RNF111: variants seen among roughly 807,000 people sequenced by gnomAD.
The protein encoded by RNF111 is E3 ubiquitin-protein ligase Arkadia.
RNF111 carries 17 observed loss-of-function variants against 95.1 expected under a neutral mutation model. The ratio of observed to expected loss-of-function variants is 0.18; its 90% CI spans 0.12 to 0.27. The LOEUF (loss-of-function observed/expected upper bound fraction) is 0.27. Ranked by LOEUF, RNF111 falls within the 10% of genes least tolerant of loss-of-function variation. RNF111 has a pLI of 1.00. For synonymous variants in RNF111, 440 were observed against 414.8 expected (o/e 1.06, Z -0.74); for missense variants, 1,189 against 1,210.4 (o/e 0.98, Z 0.26).
intron 1 of RNF111, among the ~76,000 whole-genome samples, chr15:59,017,292 C>T (rs1179275795): frequency 6.6e-6 from 1 of 152,074 alleles, no homozygotes; most frequent in Non-Finnish European, 1.5e-5. Context: ...GTAAATGCGT[C>T]ATTCAGCATA....
In RNF111 at chr15:59,030,845, A is replaced by T. The variant is rs777277081; in HGVS notation, c.23A>T (p.Tyr8Phe). Residue 8 changes from tyrosine to phenylalanine, a missense_variant, in exon 2 of 14, where the codon TAT becomes TTT. Coordinates refer to ENST00000348370, the MANE Select transcript of RNF111 (RefSeq NM_017610.8). ...CCCATGTCTCAATGGACTCCTGAAT[A>T]TAACGAGCTCTACACCTTAAAAGTG... MSQWTPE[Y>F]NELYTLKVDM... 1 of 1,580,382 alleles carries T rather than the reference A, an allele frequency of 6.3e-7. No individual in the cohort carries two copies. Among genetic ancestry groups the T allele is most frequent in the African/African-American group, 1.5e-5 (1 of 65,828 alleles).
At chr15:59,063,092 C>CTTCCTTA (rs1194534371) in intron 5 of RNF111, among the ~76,000 whole-genome samples, 1 of 152,168 alleles carries the variant, frequency 6.6e-6, no homozygotes, top group Non-Finnish European at 1.5e-5. Flanking sequence ...TGATGATGAG[C>CTTCCTTA]TTCCTTAAGG....
At chr15:59,004,137 TC>T in intron 1 of RNF111, 1 of 1,214,502 alleles carries the variant, frequency 8.2e-7, no homozygotes, top group Non-Finnish European at 1.1e-6. Context: ...GCATGTTTTT[TC>T]CCTCATAGAT....
intron 1 of RNF111, among the ~76,000 whole-genome samples, chr15:59,000,210 C>CTAGA (rs2039264414): frequency 1.4e-5 from 2 of 143,298 alleles, no homozygotes; most frequent in Non-Finnish European, 3.0e-5. Flanking sequence ...GTTACCCAGG[C>CTAGA]TAGAGTGCAG....
rs1179084824 is a variant in RNF111 at position 59,065,692 on chromosome 15, C to CTATA, written c.1367-1071_1367-1070insATAT. 3.3e-5 allele frequency among the ~76,000 whole-genome samples: 5 copies of CTATA among 152,206 alleles called. No homozygotes were observed. In the East Asian group the frequency reaches 9.6e-4, roughly 29 times the overall value. On this transcript the variant is annotated intron_variant, in intron 5 of 13. Transcript: ENST00000348370. The stretch of plus-strand genomic sequence containing the variant: ...ATTTCTTACATTCTATTGGTTCTGA[C>CTATA]TGTAGAGTCCAAAGGAAGGAAAAAA...
At chr15:59,016,025 A>G (rs2040049088) in intron 1 of RNF111, among the ~76,000 whole-genome samples, 2 of 151,600 alleles carry the variant, frequency 1.3e-5, no homozygotes, top group South Asian at 4.2e-4. Context: ...TAACTTTTGT[A>G]TTTTTAGTAG....
At chr15:59,064,707 A>C (rs560875640) in intron 5 of RNF111, among the ~76,000 whole-genome samples, 2 of 152,146 alleles carry the variant, frequency 1.3e-5, no homozygotes, top group African/African-American at 4.8e-5. Context: ...CCTTTACAAA[A>C]GGGTTTGGGA....
intron 3 of RNF111, 37 bp from the exon 4 acceptor site, chr15:59,055,641 CTTTA>C: frequency 1.4e-6 from 2 of 1,407,828 alleles, no homozygotes; most frequent in South Asian, 3.2e-5. Flanking sequence ...ACTAAAAATT[CTTTA>C]TTTATATTTA....
At chr15:59,015,186 TAA>T (rs1159357648) in intron 1 of RNF111, among the ~76,000 whole-genome samples, 1 of 152,142 alleles carries the variant, frequency 6.6e-6, no homozygotes, top group Non-Finnish European at 1.5e-5. Flanking sequence ...TTTCTCAAAA[TAA>T]AAGGGAAATA....
At chr15:59,073,552 G>A (rs1429187127) in intron 6 of RNF111, among the ~76,000 whole-genome samples, 1 of 151,690 alleles carries the variant, frequency 6.6e-6, no homozygotes, top group African/African-American at 2.4e-5. Context: ...GCTTTTATCA[G>A]GATTTACGGC....
At chr15:59,046,511 A>G (rs1353898422) in intron 2 of RNF111, among the ~76,000 whole-genome samples, 1 of 152,188 alleles carries the variant, frequency 6.6e-6, no homozygotes, top group Non-Finnish European at 1.5e-5. Flanking sequence ...TCTTTGGAGT[A>G]TTGTATATTC....
intron 1 of RNF111, among the ~76,000 whole-genome samples, chr15:59,013,272 CTTG>C (rs1394527810): frequency 1.4e-4 from 22 of 152,166 alleles, no homozygotes; most frequent in Admixed American, 1.4e-3. Flanking sequence ...CTCAGTTACC[CTTG>C]TTGTTAACAT....
intron 1 of RNF111, among the ~76,000 whole-genome samples, chr15:59,020,210 T>C (rs1259392949): frequency 6.7e-6 from 1 of 149,462 alleles, no homozygotes; most frequent in Non-Finnish European, 1.5e-5. Flanking sequence ...GATACTTAAT[T>C]CTATATACAA....
intron 6 of RNF111, among the ~76,000 whole-genome samples, chr15:59,071,185 C>T (rs1285745421): frequency 6.6e-6 from 1 of 151,510 alleles, no homozygotes; most frequent in Non-Finnish European, 1.5e-5. Context: ...GTAGTCCCAG[C>T]TACTCGGGAG....
chr15:59,012,213 T>G (rs1265623782), intron 1 of RNF111, among the ~76,000 whole-genome samples: 1 of 151,906 alleles, frequency 6.6e-6, no homozygotes, highest in Non-Finnish European at 1.5e-5. Context: ...GAGACACAGT[T>G]TCACTGTGTT....
intron 2 of RNF111, among the ~76,000 whole-genome samples, chr15:59,044,679 C>T (rs1175343171): frequency 2.0e-5 from 3 of 151,998 alleles, no homozygotes; most frequent in East Asian, 1.9e-4. Context: ...TAGCCATACT[C>T]GTTTTTTATC....
chr15:59,080,632 A>G (rs1377610318), intron 7 of RNF111, among the ~76,000 whole-genome samples: 1 of 152,112 alleles, frequency 6.6e-6, no homozygotes, highest in Non-Finnish European at 1.5e-5. Context: ...GATATTTATC[A>G]TAGCATTTGG....
At chr15:59,074,830 C>G (rs940444060) in intron 6 of RNF111, among the ~76,000 whole-genome samples, 1 of 152,150 alleles carries the variant, frequency 6.6e-6, no homozygotes, top group Non-Finnish European at 1.5e-5. Flanking sequence ...GCCTTCCTCA[C>G]TAAGCTTAAT....
rs75649727 is a variant in RNF111, at chr15:59,074,303, G to A, written c.1687-1651G>A. Among the ~76,000 whole-genome samples the A allele has an allele frequency of 7.9e-3, 1,203 of 152,304 alleles. 14 individuals carry two copies. Among genetic ancestry groups the A allele is most frequent in the African/African-American group, 0.028 (1,159 of 41,560 alleles). ...CTTGGAAACTTTGAAGCCAGCCATT[G>A]ACTTCTCTTTGCTATGAAAGTCCTG... On this transcript the variant is annotated intron_variant, in intron 6 of 13. Coordinates refer to ENST00000348370, the MANE Select transcript of RNF111 (RefSeq NM_017610.8).
Sources: allele counts gnomAD v4.1 joint callset (sites outside exome capture counted in the v4.1 genomes callset), GRCh38; gene constraint gnomAD v4.1.1; transcripts MANE v1.5; gene names NCBI Gene and HGNC (gene_info 2026-07-23, HGNC 2026-07-21).